The following CFAP299 variants were observed in gnomAD, a reference collection of about 807,000 sequenced individuals.
CFAP299 encodes the protein cilia- and flagella-associated protein 299.
Under a neutral mutation model 27.0 loss-of-function variants are expected in CFAP299, and 21 were observed. The observed-to-expected ratio is 0.78, with a 90% CI of 0.55 to 1.12. CFAP299 has a LOEUF of 1.12. CFAP299 is among the 50% of genes most tolerant of loss of function. The probability of loss-of-function intolerance (pLI) is 0.00; values close to 1 mark genes in which losing one functional copy is unlikely to be tolerated. For synonymous variants in CFAP299, 104 were observed against 98.1 expected (o/e 1.06, Z -0.36); for missense variants, 310 against 276.6 (o/e 1.12, Z -0.86).
intron 3 of CFAP299, among the ~76,000 whole-genome samples, chr4:80,775,999 G>A (rs1410835895): frequency 6.6e-6 from 1 of 152,090 alleles, no homozygotes; most frequent in East Asian, 1.9e-4. Flanking sequence ...GGCTCAGGTT[G>A]CATCTCTTTT....
At chr4:80,569,635 A>G (rs1438918695) in intron 2 of CFAP299, among the ~76,000 whole-genome samples, 1 of 152,064 alleles carries the variant, frequency 6.6e-6, no homozygotes, top group Non-Finnish European at 1.5e-5. Flanking sequence ...AAATTGCATG[A>G]TGCAAGGTAA....
At chr4:80,573,265 A>G (rs181820222) in intron 2 of CFAP299, among the ~76,000 whole-genome samples, 165 of 152,126 alleles carry the variant, frequency 1.1e-3, no homozygotes, top group African/African-American at 3.6e-3. Flanking sequence ...TCATTTGTAT[A>G]TCTTCTTTTG....
intron 3 of CFAP299, among the ~76,000 whole-genome samples, chr4:80,793,116 T>G (rs575144734): frequency 6.6e-6 from 1 of 151,936 alleles, no homozygotes; most frequent in Non-Finnish European, 1.5e-5. Flanking sequence ...TGTGTGTGTG[T>G]GTGTGTGTGT....
chr4:80,666,306 G>T (rs1005099444), intron 3 of CFAP299, among the ~76,000 whole-genome samples: 2 of 152,026 alleles, frequency 1.3e-5, no homozygotes, highest in African/African-American at 4.8e-5. Flanking sequence ...CACTAAGCCT[G>T]CTCTACCTCT....
At chr4:80,377,435 C>T (rs1435109870) in intron 2 of CFAP299, among the ~76,000 whole-genome samples, 1 of 151,682 alleles carries the variant, frequency 6.6e-6, no homozygotes, top group Non-Finnish European at 1.5e-5. Context: ...GTATATGTAC[C>T]TGTCTATTTT....
intron 3 of CFAP299, among the ~76,000 whole-genome samples, chr4:80,720,134 G>A (rs1166973595): frequency 4.6e-5 from 7 of 152,060 alleles, no homozygotes; most frequent in Admixed American, 4.6e-4. Flanking sequence ...TGGTCACTGA[G>A]AAATATGCTT....
chr4:80,482,091 G>C (rs563834457), intron 2 of CFAP299, among the ~76,000 whole-genome samples: 12 of 151,792 alleles, frequency 7.9e-5, no homozygotes, highest in Non-Finnish European at 1.2e-4. Context: ...TTGTAAAGTG[G>C]CTCTATAACT....
At chr4:80,596,616 CAT>C (rs1245723987) in intron 3 of CFAP299, among the ~76,000 whole-genome samples, 4 of 151,890 alleles carry the variant, frequency 2.6e-5, no homozygotes, top group African/African-American at 7.3e-5. Flanking sequence ...GCTTAGCAAA[CAT>C]ATAAAAGCAT....
intron 3 of CFAP299, among the ~76,000 whole-genome samples, chr4:80,826,976 A>T (rs1304915185): frequency 1.3e-5 from 2 of 151,836 alleles, no homozygotes; most frequent in Non-Finnish European, 2.9e-5. Flanking sequence ...TCAAAAAATA[A>T]ATAACAAGGG....
chr4:80,587,590 G>T (rs74766206), intron 3 of CFAP299, among the ~76,000 whole-genome samples: 23 of 151,960 alleles, frequency 1.5e-4, no homozygotes, highest in African/African-American at 5.1e-4. Context: ...TTGGTAGGTG[G>T]TTTTTTTTCT....
intron 3 of CFAP299, among the ~76,000 whole-genome samples, chr4:80,594,546 T>G (rs1356390380): frequency 1.3e-5 from 2 of 152,218 alleles, no homozygotes; most frequent in Non-Finnish European, 2.9e-5. Context: ...ACATACCTCA[T>G]GTTAAAAGCA....
chr4:80,950,439 AG>A (rs1340198784), intron 5 of CFAP299, among the ~76,000 whole-genome samples: 3 of 152,212 alleles, frequency 2.0e-5, no homozygotes, highest in Non-Finnish European at 2.9e-5. Flanking sequence ...AAGTTCTGTA[AG>A]AATTCAGGGG....
intron 2 of CFAP299, among the ~76,000 whole-genome samples, chr4:80,376,907 G>A (rs1455529417): frequency 1.3e-5 from 2 of 152,070 alleles, no homozygotes; most frequent in African/African-American, 2.4e-5. Flanking sequence ...CACCCACCTC[G>A]GCCTCCCAAA....
At chr4:80,826,834 AG>A (rs1730014951) in intron 3 of CFAP299, among the ~76,000 whole-genome samples, 1 of 151,900 alleles carries the variant, frequency 6.6e-6, no homozygotes, top group African/African-American at 2.4e-5. Context: ...AGATTTTAAA[AG>A]GTAGATATCA....
chr4:80,952,743 CT>C (rs1490679428), intron 5 of CFAP299, among the ~76,000 whole-genome samples: 10 of 151,916 alleles, frequency 6.6e-5, no homozygotes, highest in African/African-American at 2.4e-4. Flanking sequence ...CCAGCAACAT[CT>C]TCTCAGAGCT....
At chr4:80,834,512 G>C (rs1271151294) in intron 3 of CFAP299, among the ~76,000 whole-genome samples, 1 of 152,138 alleles carries the variant, frequency 6.6e-6, no homozygotes, top group Non-Finnish European at 1.5e-5. Context: ...AGGTCTAAAA[G>C]CTCTCAATTT....
At chr4:80,732,626 G>T (rs919089311) in intron 3 of CFAP299, among the ~76,000 whole-genome samples, 3 of 151,910 alleles carry the variant, frequency 2.0e-5, no homozygotes, top group African/African-American at 7.2e-5. Context: ...CTCTCTTCAA[G>T]ATCAGTTATT....
intron 3 of CFAP299, among the ~76,000 whole-genome samples, chr4:80,693,658 T>A (rs1334288433): frequency 6.6e-6 from 1 of 151,400 alleles, no homozygotes; most frequent in Non-Finnish European, 1.5e-5. Flanking sequence ...AACCTGCACA[T>A]TGTGCACATG....
At chr4:80,693,742 G>C (rs1365238861) in intron 3 of CFAP299, among the ~76,000 whole-genome samples, 1 of 151,598 alleles carries the variant, frequency 6.6e-6, no homozygotes, top group South Asian at 2.1e-4. Flanking sequence ...GCAGTACTGA[G>C]TGATCTAAGC....
Sources: gnomAD v4.1 joint callset for allele counts (sites outside exome capture counted in the v4.1 genomes callset) on GRCh38, gnomAD v4.1.1 for gene constraint, MANE v1.5 for transcripts, NCBI Gene and HGNC (gene_info 2026-07-23, HGNC 2026-07-21) for gene names.